The following RPTOR variants were observed in gnomAD, a reference collection of about 807,000 sequenced individuals.
RPTOR encodes regulatory-associated protein of mTOR.
A neutral mutation model predicts 169.9 loss-of-function variants in RPTOR; 21 were observed. That is an observed-to-expected ratio of 0.12 (90% CI 0.09 to 0.18). The LOEUF (loss-of-function observed/expected upper bound fraction) is 0.18. Among genes scored for constraint, RPTOR ranks in the 10% least tolerant of loss-of-function variants. The pLI, the probability that RPTOR is intolerant of heterozygous loss-of-function variation, is 1.00. For missense variants in RPTOR, 1,133 were observed against 1,855.9 expected, an observed-to-expected ratio of 0.61 and a Z score of 7.16; for synonymous variants, 732 against 753.2, an observed-to-expected ratio of 0.97 and a Z score of 0.46.
At chr17:80,833,071 G>A (rs540455773) in intron 9 of RPTOR, among the ~76,000 whole-genome samples, 5 of 149,896 alleles carry the variant, frequency 3.3e-5, no homozygotes, top group East Asian at 2.0e-4. Context: ...GAAACCCTGC[G>A]TTTCTCTGCG....
At chr17:80,610,467 G>A (rs141640812) in intron 1 of RPTOR, among the ~76,000 whole-genome samples, 1 of 152,168 alleles carries the variant, frequency 6.6e-6, no homozygotes, top group South Asian at 2.1e-4. Flanking sequence ...GCTGCCTGCT[G>A]TCTCCATGGT....
chr17:80,569,365 A>G (rs1234449751), intron 1 of RPTOR, among the ~76,000 whole-genome samples: 3 of 152,144 alleles, frequency 2.0e-5, no homozygotes, highest in African/African-American at 7.2e-5. Flanking sequence ...GCTGTCTTTT[A>G]AAAACAGGTC....
chr17:80,873,263 C>A (rs2068071220), intron 13 of RPTOR, among the ~76,000 whole-genome samples: 2 of 152,184 alleles, frequency 1.3e-5, no homozygotes, highest in South Asian at 4.1e-4. Context: ...CCCTCCACTA[C>A]TCACCGCAGA....
At chr17:80,760,825 C>T (rs1028528281) in intron 6 of RPTOR, among the ~76,000 whole-genome samples, 4 of 151,164 alleles carry the variant, frequency 2.6e-5, no homozygotes, top group Non-Finnish European at 4.4e-5. Context: ...TTTCTAAGCA[C>T]GCTGCCCTCA....
At chr17:80,807,381 C>G (rs934164933) in intron 7 of RPTOR, among the ~76,000 whole-genome samples, 2 of 152,068 alleles carry the variant, frequency 1.3e-5, no homozygotes, top group African/African-American at 4.8e-5. Flanking sequence ...CGGAGTCTCA[C>G]TCTTGTGGCC....
chr17:80,590,429 A>G (rs1351536028), intron 1 of RPTOR, among the ~76,000 whole-genome samples: 2 of 147,134 alleles, frequency 1.4e-5, no homozygotes, highest in African/African-American at 5.1e-5. Flanking sequence ...ACGTGCACAC[A>G]GTGTCTTTAA....
At chr17:80,600,271 C>A (rs9895980) in intron 1 of RPTOR, among the ~76,000 whole-genome samples, 9,204 of 148,496 alleles carry the variant, frequency 0.062, 928 homozygotes, top group African/African-American at 0.21. Context: ...AGTTAATACA[C>A]AAAAAGGCCA....
At chr17:80,760,307 C>CTTTTTTT (rs71164001) in intron 6 of RPTOR, among the ~76,000 whole-genome samples, 10 of 116,482 alleles carry the variant, frequency 8.6e-5, no homozygotes, top group African/African-American at 2.4e-4. Flanking sequence ...TTTCTTTTTT[C>CTTTTTTT]TTTTTTTTTT....
chr17:80,668,285 C>A (rs937917939), intron 3 of RPTOR, among the ~76,000 whole-genome samples: 13 of 152,254 alleles, frequency 8.5e-5, no homozygotes, highest in African/African-American at 3.1e-4. Flanking sequence ...CCATCTCCAT[C>A]CATTTTTACT....
intron 1 of RPTOR, among the ~76,000 whole-genome samples, chr17:80,591,124 G>A (rs1024954320): frequency 7.4e-6 from 1 of 135,854 alleles, no homozygotes; most frequent in Admixed American, 7.7e-5. Flanking sequence ...TCTGTACCGT[G>A]GTTTTGCCTG....
rs761590823 is a variant in RPTOR, at chr17:80,957,659, G to A, written c.3406G>A (p.Gly1136Ser). 7.4e-6 allele frequency: 12 copies of A among 1,614,046 alleles called. No homozygotes were observed. The highest frequency in any genetic ancestry group is 2.2e-5 in the South Asian group (2 of 91,092). The change falls in exon 29 of 34, where the codon GGC becomes AGC. Residue 1136 changes from glycine to serine, a missense_variant. Coordinates refer to ENST00000306801, the MANE Select transcript of RPTOR (RefSeq NM_020761.3). The surrounding 1 kb of genome is among the most constrained non-coding windows in gnomAD (Gnocchi z 4.6). ...GMVVDWEQET[G>S]LLMSSGDVRI... is the part of the protein sequence containing the mutation. ...GGTGGTGGACTGGGAGCAGGAGACC[G>A]GCCTCCTCATGAGCTCAGGAGACGT...
At chr17:80,741,274 T>C (rs2066479571) in intron 5 of RPTOR, among the ~76,000 whole-genome samples, 1 of 151,974 alleles carries the variant, frequency 6.6e-6, no homozygotes, top group Admixed American at 6.5e-5. Flanking sequence ...TCCCTGGCAG[T>C]GTGGGGGCCT....
intron 24 of RPTOR, among the ~76,000 whole-genome samples, chr17:80,937,832 C>T (rs2068973246): frequency 6.6e-6 from 1 of 152,220 alleles, no homozygotes; most frequent in African/African-American, 2.4e-5. Context: ...GCATCTCTGC[C>T]TTCCCCTGGC....
At chr17:80,775,072 C>T (rs899103527) in intron 6 of RPTOR, among the ~76,000 whole-genome samples, 12 of 152,174 alleles carry the variant, frequency 7.9e-5, no homozygotes, top group Non-Finnish European at 1.6e-4. Context: ...GCCCCTCAGC[C>T]GCCCCACAAG....
intron 1 of RPTOR, among the ~76,000 whole-genome samples, chr17:80,547,523 A>T (rs1309057817): frequency 6.6e-6 from 1 of 152,200 alleles, no homozygotes; most frequent in Non-Finnish European, 1.5e-5. Flanking sequence ...TGTGACTCTT[A>T]GTGACTACTG....
At chr17:80,956,424 C>A (rs2069249925) in intron 28 of RPTOR, among the ~76,000 whole-genome samples, 1 of 152,264 alleles carries the variant, frequency 6.6e-6, no homozygotes. Context: ...CAAAGGGCAG[C>A]CCTTGCCCCA....
intron 21 of RPTOR, among the ~76,000 whole-genome samples, chr17:80,919,564 G>C (rs569330047): frequency 1.3e-5 from 2 of 152,290 alleles, no homozygotes; most frequent in Non-Finnish European, 2.9e-5. Flanking sequence ...TGGATCAGAC[G>C]CCCCCGTGTC....
In RPTOR at chr17:80,727,481, CT is replaced by C. The variant is rs532957249; in HGVS notation, c.508-3078del. On this transcript the variant is annotated intron_variant, in intron 4 of 33. Coordinates refer to ENST00000306801, the MANE Select transcript of RPTOR (RefSeq NM_020761.3). ...ACGTCACGCCCCGAGAACGTGGACG[CT>C]GCACCTCTGACCACATCATGCTCTG... Among the ~76,000 whole-genome samples, 231 of 151,824 alleles carry C rather than the reference CT, an allele frequency of 1.5e-3. 2 individuals are homozygous for C. In the Middle Eastern group the frequency reaches 0.024, roughly 16 times the overall value.
chr17:80,724,330 G>A (rs1197984310), intron 4 of RPTOR, among the ~76,000 whole-genome samples: 1 of 151,116 alleles, frequency 6.6e-6, no homozygotes, highest in Non-Finnish European at 1.5e-5. Flanking sequence ...AGGAGACATG[G>A]CAACCCACCC....
Sources: allele counts gnomAD v4.1 joint callset (sites outside exome capture counted in the v4.1 genomes callset), GRCh38; gene constraint gnomAD v4.1.1; non-coding constraint Gnocchi (gnomAD v3.1); transcripts MANE v1.5; gene names NCBI Gene and HGNC (gene_info 2026-07-23, HGNC 2026-07-21).